The following LHFPL2 variants were observed in gnomAD, a reference collection of about 807,000 sequenced individuals.
LHFPL2 encodes the protein LHFPL tetraspan subfamily member 2 protein.
LHFPL2 carries 7 observed loss-of-function variants against 17.5 expected under a neutral mutation model. The observed-to-expected ratio is 0.40, with a 90% CI of 0.23 to 0.75. LHFPL2 has a LOEUF of 0.75. Ranked by LOEUF, LHFPL2 falls within the 30% of genes least tolerant of loss-of-function variation. LHFPL2 has a pLI of 0.37. For synonymous variants in LHFPL2, 134 were observed against 116.2 expected, an observed-to-expected ratio of 1.15 and a Z score of -0.99; for missense variants, 241 against 294.8, an observed-to-expected ratio of 0.82 and a Z score of 1.34.
intron 2 of LHFPL2, among the ~76,000 whole-genome samples, chr5:78,576,048 C>T (rs1561346701): frequency 1.3e-5 from 2 of 152,226 alleles, no homozygotes; most frequent in East Asian, 1.9e-4. Flanking sequence ...GTAATCCCAG[C>T]ACTTTGGGAG....
intron 3 of LHFPL2, among the ~76,000 whole-genome samples, chr5:78,541,284 AG>A (rs1230267468): frequency 6.6e-6 from 1 of 152,148 alleles, no homozygotes; most frequent in East Asian, 1.9e-4. Flanking sequence ...GAGGGGGCGA[AG>A]GTGGGGACAG....
rs1267080426 is a variant in LHFPL2, at chr5:78,648,664, G to A, written c.-515C>T. 1 of 151,966 alleles carries A rather than the reference G, an allele frequency of 6.6e-6. No homozygotes were observed. Among genetic ancestry groups the A allele is most frequent in the African/African-American group, 2.4e-5 (1 of 41,358 alleles). The allele number at this position is 151,966 out of a possible 1,614,324, so 9.4% of individuals were successfully genotyped here. ...AGAGCGGGAGGAGGCGGCGGGAGAG[G>A]GGGGCAACGCAAGGGAGGGGAGAGG... On this transcript the variant is annotated 5_prime_UTR_variant, in exon 1 of 5. Transcript: ENST00000380345. This position sits in a 1 kb window ranked among gnomAD's most constrained non-coding sequence, Gnocchi z 5.4.
intron 4 of LHFPL2, among the ~76,000 whole-genome samples, chr5:78,502,560 A>G (rs186622312): frequency 4.6e-5 from 7 of 152,350 alleles, no homozygotes; most frequent in Admixed American, 1.3e-4. Flanking sequence ...TACGTTCTCC[A>G]TAAGTTATTC....
chr5:78,491,542 G>A (rs1453916456), intron 4 of LHFPL2, among the ~76,000 whole-genome samples: 2 of 152,186 alleles, frequency 1.3e-5, no homozygotes, highest in Non-Finnish European at 2.9e-5. Flanking sequence ...CTAGTGTGAG[G>A]ACAGGAGGCT....
chr5:78,638,890 C>G (rs565636518), intron 1 of LHFPL2, among the ~76,000 whole-genome samples: 26 of 152,322 alleles, frequency 1.7e-4, no homozygotes, highest in African/African-American at 6.3e-4. Flanking sequence ...ATGAAAGTCT[C>G]ATGATCAAGG....
At chr5:78,584,761 G>C (rs1007298607) in intron 2 of LHFPL2, among the ~76,000 whole-genome samples, 1 of 152,200 alleles carries the variant, frequency 6.6e-6, no homozygotes, top group Non-Finnish European at 1.5e-5. Context: ...TGCCCCCAGA[G>C]GTGGAGCCTA....
intron 4 of LHFPL2, among the ~76,000 whole-genome samples, chr5:78,499,596 GA>G (rs953052269): frequency 8.5e-5 from 13 of 152,320 alleles, no homozygotes; most frequent in African/African-American, 3.1e-4. Context: ...CTGAAGAGGA[GA>G]GACTGATATG....
intron 3 of LHFPL2, among the ~76,000 whole-genome samples, chr5:78,525,633 GGAGTAAAGA>G (rs1308459467): frequency 6.6e-6 from 1 of 152,180 alleles, no homozygotes; most frequent in African/African-American, 2.4e-5. Context: ...GATAAAGTGG[GGAGTAAAGA>G]GAATAAAGAG....
intron 2 of LHFPL2, among the ~76,000 whole-genome samples, chr5:78,614,108 G>A (rs1744513581): frequency 6.6e-6 from 1 of 152,204 alleles, no homozygotes; most frequent in African/African-American, 2.4e-5. Context: ...CCGATGCTAT[G>A]AGAAACACGA....
At chr5:78,617,088 G>A (rs1201565715) in intron 2 of LHFPL2, among the ~76,000 whole-genome samples, 2 of 151,936 alleles carry the variant, frequency 1.3e-5, no homozygotes. Context: ...GAGTGCAGTG[G>A]CTCAATCTCC....
At position 78,645,641 on chromosome 5, in the gene LHFPL2, G is replaced by T. The variant is rs77379565; in HGVS notation, c.-350+2858C>A. 5.0e-4 allele frequency among the ~76,000 whole-genome samples: 76 copies of T among 151,456 alleles called. 1 individual carries two copies. In the East Asian group the frequency reaches 0.011, roughly 22 times the overall value. ...TCTGTCACCCAGACTGGAGTGCAATGGTGCCGTCTCAGCTCGCTGTAACCT... is the reference window on the plus strand; with the variant it reads ...TCTGTCACCCAGACTGGAGTGCAATTGTGCCGTCTCAGCTCGCTGTAACCT... On this transcript the variant is annotated intron_variant, in intron 1 of 4. Coordinates refer to ENST00000380345, the MANE Select transcript of LHFPL2 (RefSeq NM_005779.3).
rs187818516 is a variant in LHFPL2 at position 78,559,196 on chromosome 5, T to A, written c.-186+5617A>T. 4.0e-4 allele frequency among the ~76,000 whole-genome samples: 61 copies of A among 152,352 alleles called. 1 individual carries two copies. Among genetic ancestry groups the A allele is most frequent in the African/African-American group, 1.4e-3 (58 of 41,580 alleles). On this transcript the variant is annotated intron_variant, in intron 3 of 4. Coordinates refer to ENST00000380345, the MANE Select transcript of LHFPL2 (RefSeq NM_005779.3). ...CTTTACTTTTTGGCTTAAAAGAAAT[T>A]TTGTGGCTTCCCAAATTATATTATT...
At chr5:78,520,750 T>A (rs1755428611) in intron 3 of LHFPL2, among the ~76,000 whole-genome samples, 1 of 152,192 alleles carries the variant, frequency 6.6e-6, no homozygotes, top group African/African-American at 2.4e-5. Flanking sequence ...AGAACCTAAC[T>A]CTGACTTCTA....
rs980656956 is a variant in LHFPL2 at position 78,486,355 on chromosome 5, A to G, written c.*2542T>C. 4.6e-5 allele frequency: 7 copies of G among 152,272 alleles called. No individual in the cohort carries two copies. The East Asian group carries it at 1.2e-3, about 25-fold the overall frequency. 9.4% of individuals were successfully genotyped at this position (152,272 alleles called of 1,614,324 possible). ...TTTAAGCCAATTTCAGGCAAAATAA[A>G]TAAGACTTTCCTGGTAGTAATAATG... On this transcript the variant is annotated 3_prime_UTR_variant, in exon 5 of 5. Transcript: ENST00000380345.
Position 78,536,714 on chromosome 5 carries a change from A to G in LHFPL2, c.-185-26316T>C, listed in dbSNP as rs147456744. Among the ~76,000 whole-genome samples, 326 of 152,330 alleles carry G rather than the reference A, an allele frequency of 2.1e-3. 1 individual carries two copies. Among genetic ancestry groups the G allele is most frequent in the African/African-American group, 7.4e-3 (308 of 41,570 alleles). On this transcript the variant is annotated intron_variant, in intron 3 of 4. Coordinates refer to ENST00000380345, the MANE Select transcript of LHFPL2 (RefSeq NM_005779.3). ...ATTAAGTCATTATGTCTATTATACA[A>G]TGTTCAGATTCTACCCAGCCATATG...
intron 3 of LHFPL2, among the ~76,000 whole-genome samples, chr5:78,523,510 G>T (rs551670109): frequency 6.6e-6 from 1 of 152,204 alleles, no homozygotes; most frequent in East Asian, 1.9e-4. Flanking sequence ...GCAAAGGGGG[G>T]AAATCTGCCA....
At chr5:78,534,373 C>G (rs1755877669) in intron 3 of LHFPL2, among the ~76,000 whole-genome samples, 1 of 152,190 alleles carries the variant, frequency 6.6e-6, no homozygotes, top group Admixed American at 6.5e-5. Context: ...AGCCGTGTGT[C>G]CTCGAGCAGG....
chr5:78,523,111 G>GGT (rs57180798), intron 3 of LHFPL2, among the ~76,000 whole-genome samples: 7,228 of 149,676 alleles, frequency 0.048, 253 homozygotes, highest in East Asian at 0.21. Context: ...GTGTGTCTGT[G>GGT]GTGTGTGTGT....
chr5:78,505,526 T>TA (rs1754906859), intron 4 of LHFPL2, among the ~76,000 whole-genome samples: 1 of 152,200 alleles, frequency 6.6e-6, no homozygotes. Context: ...TCCTGCCTTT[T>TA]AAAAAAATGA....
Sources: allele counts gnomAD v4.1 joint callset (sites outside exome capture counted in the v4.1 genomes callset), GRCh38; gene constraint gnomAD v4.1.1; non-coding constraint Gnocchi (gnomAD v3.1); transcripts MANE v1.5; gene names NCBI Gene and HGNC (gene_info 2026-07-23, HGNC 2026-07-21).